Variants in BAZ2B observed in about 807,000 individuals in gnomAD.
BAZ2B encodes bromodomain adjacent to zinc finger domain 2B, also known as bromodomain adjacent to zinc finger domain protein 2B.
Under a neutral mutation model 246.0 loss-of-function variants are expected in BAZ2B, and 91 were observed. The ratio of observed to expected loss-of-function variants is 0.37; its 90% CI spans 0.31 to 0.44. The LOEUF is 0.44. BAZ2B is among the 20% of genes least tolerant of loss of function. The pLI is 1.00. For missense variants in BAZ2B, 2,332 were observed against 2,533.7 expected, an observed-to-expected ratio of 0.92 and a Z score of 1.71; for synonymous variants, 855 against 860.0, an observed-to-expected ratio of 0.99 and a Z score of 0.10.
intron 1 of BAZ2B, among the ~76,000 whole-genome samples, chr2:159,592,438 G>T (rs1689613427): frequency 6.6e-6 from 1 of 152,208 alleles, no homozygotes; most frequent in Non-Finnish European, 1.5e-5. Context: ...GTGAGCCACT[G>T]CACGTGGCCC....
At chr2:159,698,155 G>A in the BAZ2B span, among the ~76,000 whole-genome samples, 1 of 152,064 alleles carries the variant, frequency 6.6e-6, no homozygotes, top group Admixed American at 6.5e-5. Flanking sequence ...AATCACCAAT[G>A]CTAGAAGTTT....
rs527712431 is a variant in BAZ2B at position 159,343,821 on chromosome 2, T to C, written c.5454+3665A>G. ...GCGGGCAGATCACAAGGTCAGGAGA[T>C]CAAGACCATCCTGGCTAACATGATG... On this transcript the variant is annotated intron_variant, in intron 31 of 36. Transcript: ENST00000392783. Among the ~76,000 whole-genome samples the C allele has an allele frequency of 1.1e-4, 17 of 151,208 alleles. 1 individual carries two copies. Among genetic ancestry groups the C allele is most frequent in the Admixed American group, 8.5e-4 (13 of 15,208 alleles).
intron 32 of BAZ2B, 93 bp downstream of exon 32, chr2:159,337,471 TCAC>T (rs1156476016): frequency 6.2e-7 from 1 of 1,607,586 alleles, no homozygotes; most frequent in East Asian, 2.2e-5. Flanking sequence ...CCCGTCACCA[TCAC>T]CACTAACGGA....
At chr2:159,389,269 C>G in intron 21 of BAZ2B, 76 bp downstream of exon 21, 2 of 1,379,686 alleles carry the variant, frequency 1.4e-6, no homozygotes, top group South Asian at 1.7e-5. Context: ...AATAGCAGCT[C>G]TGGCAAAGAA....
the BAZ2B span, among the ~76,000 whole-genome samples, chr2:159,667,152 GTT>G: frequency 2.0e-4 from 29 of 145,654 alleles, no homozygotes; most frequent in South Asian, 8.5e-4. Context: ...TTTTTCTCCT[GTT>G]TTTTTTTTTT....
rs536077331 is a variant in BAZ2B at position 159,417,175 on chromosome 2, G to GT, written c.2467-4631dup. On this transcript the variant is annotated intron_variant, in intron 13 of 36. Transcript: ENST00000392783. ...AGCAAAAGATTAGGTTTTTTTTTTTGTTTTTTTTTTTTTGAGCTGAAGTCT... is the reference window on the plus strand; with the variant it reads ...AGCAAAAGATTAGGTTTTTTTTTTTGTTTTTTTTTTTTTTGAGCTGAAGTCT... Among the ~76,000 whole-genome samples, 1,134 of 134,480 alleles carry GT rather than the reference G, an allele frequency of 8.4e-3. 12 individuals are homozygous for GT. The highest frequency in any genetic ancestry group is 0.023 in the African/African-American group (840 of 36,450). The allele number at this position is 134,480 out of a possible 152,430, so 88.2% of individuals were successfully genotyped here.
intron 3 of BAZ2B, chr2:159,463,076 G>T: frequency 1.4e-6 from 1 of 714,528 alleles, no homozygotes; most frequent in South Asian, 1.6e-5. Context: ...GGTGTGAACT[G>T]ATCCATGTTA....
chr2:159,662,037 C>G, the BAZ2B span, among the ~76,000 whole-genome samples: 1 of 152,204 alleles, frequency 6.6e-6, no homozygotes, highest in African/African-American at 2.4e-5. Flanking sequence ...AACCACCAAT[C>G]GACTGTCTGT....
chr2:159,410,212 T>C (rs999970518), intron 14 of BAZ2B, among the ~76,000 whole-genome samples: 1 of 152,232 alleles, frequency 6.6e-6, no homozygotes, highest in Non-Finnish European at 1.5e-5. Flanking sequence ...AACCCATCTA[T>C]GCCTGTTAAT....
intron 2 of BAZ2B, among the ~76,000 whole-genome samples, chr2:159,546,244 C>T (rs1001783950): frequency 5.3e-5 from 8 of 151,762 alleles, no homozygotes; most frequent in African/African-American, 1.2e-4. Context: ...ATTACGGGGG[C>T]GGGTCCTTCG....
chr2:159,707,624 A>G, the BAZ2B span, among the ~76,000 whole-genome samples: 1 of 151,974 alleles, frequency 6.6e-6, no homozygotes, highest in African/African-American at 2.4e-5. Context: ...TCAGGAGTTC[A>G]AGACCGGCCT....
chr2:159,626,174 T>A, the BAZ2B span, among the ~76,000 whole-genome samples: 1 of 152,122 alleles, frequency 6.6e-6, no homozygotes, highest in East Asian at 1.9e-4. Context: ...CCCAGATTCA[T>A]AAAGCAAGTT....
At chr2:159,560,192 TAA>T (rs768925872) in intron 1 of BAZ2B, among the ~76,000 whole-genome samples, 19 of 152,194 alleles carry the variant, frequency 1.2e-4, no homozygotes, top group African/African-American at 3.1e-4. Context: ...CCTACTTCAA[TAA>T]AAAGAGTCAA....
intron 15 of BAZ2B, 52 bp downstream of exon 15, chr2:159,404,970 T>C (rs753546637): frequency 3.4e-5 from 54 of 1,611,340 alleles, no homozygotes; most frequent in Non-Finnish European, 3.4e-5. Flanking sequence ...AAAACTCTTA[T>C]GAATTCCCCA....
At chr2:159,470,457 C>A (rs376621610) in intron 3 of BAZ2B, among the ~76,000 whole-genome samples, 271 of 152,244 alleles carry the variant, frequency 1.8e-3, no homozygotes, top group East Asian at 4.8e-3. Flanking sequence ...TTATATTGTA[C>A]ATAAATCACA....
At chr2:159,650,628 A>G in the BAZ2B span, among the ~76,000 whole-genome samples, 1 of 152,232 alleles carries the variant, frequency 6.6e-6, no homozygotes, top group East Asian at 1.9e-4. Context: ...TTAGTACTCT[A>G]CTGTAAACAT....
Position 159,332,652 on chromosome 2 carries a change from T to G in BAZ2B, c.5831A>C (p.Glu1944Ala). The change falls in exon 34 of 37, where the codon GAA (glutamate) becomes GCA (alanine). Residue 1944 changes from glutamate to alanine, a missense_variant. Physicochemically the swap from Glu to Ala is moderately radical, Grantham distance 107 (BLOSUM62 -1). Transcript: ENST00000392783. ...CQICRKGDNE[E>A]LLLLCDGCDK... is the part of the protein sequence containing the mutation. ...ACAGCCATCACAAAGAAGAAGCAGT[T>G]CTTCATTATCTCCCTTTCGACAGAT... 1 of 1,614,058 alleles carries G rather than the reference T, an allele frequency of 6.2e-7. No individual in the cohort carries two copies. The highest frequency in any genetic ancestry group is 1.7e-4 in the Middle Eastern group (1 of 6,060).
chr2:159,433,803 A>G (rs914064669), intron 8 of BAZ2B: 6 of 158,298 alleles, frequency 3.8e-5, no homozygotes, highest in Non-Finnish European at 8.3e-5. Flanking sequence ...ACCTCTTTAT[A>G]TAGATGCTCC....
At chr2:159,338,719 C>G (rs2066087625) in intron 31 of BAZ2B, among the ~76,000 whole-genome samples, 1 of 152,214 alleles carries the variant, frequency 6.6e-6, no homozygotes, top group Non-Finnish European at 1.5e-5. Flanking sequence ...GCTTTCCAAT[C>G]CTCGTGCTCT....
Sources: gnomAD v4.1 joint callset for allele counts (sites outside exome capture counted in the v4.1 genomes callset) on GRCh38, gnomAD v4.1.1 for gene constraint, MANE v1.5 for transcripts, NCBI Gene and HGNC (gene_info 2026-07-23, HGNC 2026-07-21) for gene names.